EHD2: variants seen among roughly 807,000 people sequenced by gnomAD.
The protein encoded by EHD2 is EH domain-containing protein 2.
In EHD2, 27 loss-of-function variants were observed where a neutral mutation model predicts 41.0. That is an observed-to-expected ratio of 0.66 (90% confidence interval 0.49 to 0.91). The LOEUF (loss-of-function observed/expected upper bound fraction) is 0.91. Among genes scored for constraint, EHD2 ranks in the 40% least tolerant of loss-of-function variants. The pLI, the probability that EHD2 is intolerant of heterozygous loss-of-function variation, is 0.00. For missense variants in EHD2, 673 were observed against 773.9 expected (o/e 0.87, Z 1.55); for synonymous variants, 342 against 341.0 (o/e 1.00, Z -0.03).
intron 1 of EHD2, 29 bp from the exon 2 acceptor site, chr19:47,716,529 T>C (rs997343405): frequency 1.4e-6 from 2 of 1,420,132 alleles, no homozygotes; most frequent in Non-Finnish European, 1.8e-6. Context: ...CTGGGCCGCC[T>C]ATGCTCATGC....
In EHD2 at chr19:47,741,669, TCA is replaced by T. The variant is rs1172038285; in HGVS notation, c.*247_*248del. ...CCAGCCTCACGTTCACTTAGGCACA[TCA>T]CACACACACTGGCACACGCAGGCAT... On this transcript the variant is annotated 3_prime_UTR_variant, in exon 6 of 6. Transcript: ENST00000263277. The surrounding 1 kb of genome is among the most constrained non-coding windows in gnomAD (Gnocchi z 4.5). 15 of 628,360 alleles carry T rather than the reference TCA, an allele frequency of 2.4e-5. No homozygotes were observed. Among genetic ancestry groups the T allele is most frequent in the Non-Finnish European group, 3.1e-5 (11 of 353,654 alleles). The allele number at this position is 628,360 out of a possible 1,614,324, so 38.9% of individuals were successfully genotyped here. A position where few individuals can be genotyped will look rare whatever the true frequency, so the allele number is the denominator to read the frequency against.
intron 4 of EHD2, 28 bp from the exon 5 acceptor site, chr19:47,736,341 C>A (rs62130744): frequency 1.1e-5 from 17 of 1,580,826 alleles, no homozygotes; most frequent in East Asian, 2.4e-5. Flanking sequence ...GACCCTGATG[C>A]AGGCTGAGGT....
chr19:47,731,314 A>AT lies in EHD2; in HGVS notation c.916-5055_916-5054insT, dbSNP rs1160770476. The AT allele has an allele frequency of 4.9e-4, 56 of 113,946 alleles. 1 individual carries two copies. The highest frequency in any genetic ancestry group is 1.1e-3 in the South Asian group (4 of 3,504). The allele number at this position is 113,946 out of a possible 1,614,324, so 7.1% of individuals were successfully genotyped here. On this transcript the variant is annotated intron_variant, in intron 4 of 5. Transcript: ENST00000263277. ...TATATATATATATACATATATATAT[A>AT]ATTTTTTTTTTTTTAGATGGAGTCT...
rs1375293524 is a variant in EHD2, at chr19:47,715,082, A to AAAT, written c.-55-1475_-55-1474insATA. 2.3e-3 allele frequency among the ~76,000 whole-genome samples: 315 copies of AAAT among 137,412 alleles called. 1 individual carries two copies. Among genetic ancestry groups the AAAT allele is most frequent in the South Asian group, 0.013 (53 of 4,236 alleles). 90.1% of individuals were successfully genotyped at this position (137,412 alleles called of 152,430 possible). A position where few individuals can be genotyped will look rare whatever the true frequency, so the allele number is the denominator to read the frequency against. ...ATAAATAAATAAATAAATAAATAAAAAGAAAGAAAAGCAAAGCAAAGCAGG... is the reference window on the plus strand; with the variant it reads ...ATAAATAAATAAATAAATAAATAAAAAATAGAAAGAAAAGCAAAGCAAAGCAGG... On this transcript the variant is annotated intron_variant, in intron 1 of 5. Transcript: ENST00000263277.
intron 3 of EHD2, among the ~76,000 whole-genome samples, chr19:47,725,035 G>A (rs1296294425): frequency 2.8e-5 from 4 of 144,716 alleles, no homozygotes; most frequent in African/African-American, 1.0e-4. Flanking sequence ...ATCTGCTATG[G>A]CAAGAGCACA....
In EHD2 at chr19:47,741,354, AG is replaced by A. The variant is rs1389258641; in HGVS notation, c.1556del (p.Gly519AlafsTer125). ...GCCACCTCATCGAGGCCAAGCTGGA[AG>A]GCCACGGGCTGCCCGCCAACCTGCC... is the stretch of plus-strand genomic sequence containing the variant. ...ASHLIEAKLE[G>X]HGLPANLPRR... On this transcript the variant is annotated frameshift_variant, in exon 6 of 6. Transcript: ENST00000263277. LOFTEE classifies it high-confidence loss of function. The surrounding 1 kb of genome is among the most constrained non-coding windows in gnomAD (Gnocchi z 4.5). 6.2e-7 allele frequency: 1 copy of A among 1,610,384 alleles called. No individual in the cohort carries two copies. Among genetic ancestry groups the A allele is most frequent in the East Asian group, 2.2e-5 (1 of 44,872 alleles).
chr19:47,737,036 C>A (rs1447203630), intron 5 of EHD2, among the ~76,000 whole-genome samples: 1 of 151,650 alleles, frequency 6.6e-6, no homozygotes, highest in East Asian at 2.0e-4. Flanking sequence ...TCAAGACCAT[C>A]CTGGCTAACA....
intron 4 of EHD2, chr19:47,732,001 A>G (rs879130717): frequency 6.6e-5 from 10 of 151,488 alleles, no homozygotes; most frequent in African/African-American, 2.4e-4. Context: ...GTTAGCCAGG[A>G]TGGTCTCGAT....
chr19:47,718,695 C>T, intron 3 of EHD2, 89 bp downstream of exon 3: 3 of 1,205,870 alleles, frequency 2.5e-6, no homozygotes, highest in Non-Finnish European at 3.4e-6. Context: ...GGCCCGGACT[C>T]CTGGGTCTGA....
At chr19:47,731,289 T>TATATGTATATATATATATATATATACAC (rs1973810402) in intron 4 of EHD2, 1 of 84,464 alleles carries the variant, frequency 1.2e-5, no homozygotes, top group Admixed American at 1.3e-4. Context: ...AATATATATA[T>TATATGTATATATATATATATATATACAC]ATATATATAT....
chr19:47,716,219 C>T (rs572300364), intron 1 of EHD2, among the ~76,000 whole-genome samples: 62 of 152,082 alleles, frequency 4.1e-4, no homozygotes, highest in African/African-American at 1.5e-3. Flanking sequence ...GCTAGGACTA[C>T]AGGCATGCAC....
intron 4 of EHD2, among the ~76,000 whole-genome samples, chr19:47,728,759 G>A (rs1220423145): frequency 1.3e-5 from 2 of 151,154 alleles, no homozygotes; most frequent in Non-Finnish European, 1.5e-5. Context: ...TAGTGGAGAC[G>A]GGGTTTCACC....
rs985156136 is a variant in EHD2 at position 47,716,248 on chromosome 19, AT to A, written c.-55-302del. ...CATGCACCACCATGCCCAGCTAATT[AT>A]TTTTTTTGTAGAGATGGGGGTCTCA... On this transcript the variant is annotated intron_variant, in intron 1 of 5. Coordinates refer to ENST00000263277, the MANE Select transcript of EHD2 (RefSeq NM_014601.4). 4.7e-5 allele frequency among the ~76,000 whole-genome samples: 7 copies of A among 150,468 alleles called. No individual in the cohort carries two copies. In the South Asian group the frequency reaches 1.1e-3, roughly 23 times the overall value.
rs760371934 is a variant in EHD2 at position 47,726,236 on chromosome 19, T to A, written c.915+12T>A. On this transcript the variant is annotated intron_variant, in intron 4 of 5. Transcript: ENST00000263277. ...CCCGGCTGGTGCGAGTGAGTAGTCCTGAGGGCTGGGCGCGCATTCTTGGAG... is the reference window on the plus strand; with the variant it reads ...CCCGGCTGGTGCGAGTGAGTAGTCCAGAGGGCTGGGCGCGCATTCTTGGAG... 5.4e-6 allele frequency: 8 copies of A among 1,477,222 alleles called. No homozygotes were observed. The Admixed American group carries it at 1.6e-4, about 30-fold the overall frequency. 91.5% of individuals were successfully genotyped at this position (1,477,222 alleles called of 1,614,324 possible). A position where few individuals can be genotyped will look rare whatever the true frequency, so the allele number is the denominator to read the frequency against.
chr19:47,719,903 AT>A lies in EHD2; in HGVS notation c.502+1298del, dbSNP rs1973676722. The stretch of plus-strand genomic sequence containing the variant: ...GGGGTCTCCCTCCCTGGCCTTGAGG[AT>A]AGAGGAAGAGGAGGAGAGAGTGTCC... On this transcript the variant is annotated intron_variant, in intron 3 of 5. Transcript: ENST00000263277. The surrounding 1 kb of genome is among the most constrained non-coding windows in gnomAD (Gnocchi z 4.1). Among the ~76,000 whole-genome samples the A allele has an allele frequency of 6.6e-6, 1 of 151,420 alleles. No individual in the cohort carries two copies. The highest frequency in any genetic ancestry group is 1.5e-5 in the Non-Finnish European group (1 of 67,904).
chr19:47,726,451 T>A (rs779690584), intron 4 of EHD2: 13 of 425,002 alleles, frequency 3.1e-5, no homozygotes, highest in Non-Finnish European at 4.9e-5. Flanking sequence ...TTCTCTGTCC[T>A]GGTATTTCTA....
In EHD2 at chr19:47,742,741, A is replaced by C. The variant is rs1967005157; in HGVS notation, c.*1309A>C. The C allele has an allele frequency of 1.3e-5, 2 of 152,692 alleles. No individual in the cohort carries two copies. Among genetic ancestry groups the C allele is most frequent in the Admixed American group, 1.3e-4 (2 of 15,236 alleles). 9.5% of individuals were successfully genotyped at this position (152,692 alleles called of 1,614,324 possible). On this transcript the variant is annotated 3_prime_UTR_variant, in exon 6 of 6. Transcript: ENST00000263277. The stretch of plus-strand genomic sequence containing the variant: ...CCTGGAAGCCTCCCCACAGCTGGTA[A>C]TCTGGACTTAAGGATTGCTGGGCCA...
Position 47,719,254 on chromosome 19 carries a change from G to A in EHD2, c.502+648G>A, listed in dbSNP as rs1973669517. 6.6e-6 allele frequency among the ~76,000 whole-genome samples: 1 copy of A among 152,116 alleles called. No homozygotes were observed. Among genetic ancestry groups the A allele is most frequent in the South Asian group, 2.1e-4 (1 of 4,830 alleles). On this transcript the variant is annotated intron_variant, in intron 3 of 5. Transcript: ENST00000263277. This position sits in a 1 kb window ranked among gnomAD's most constrained non-coding sequence, Gnocchi z 4.1. ...AGCGACGCAGGGAGACACAAGGCCT[G>A]GAGATGAGGCAGAGCCTGGGCAGGG... is the stretch of plus-strand genomic sequence containing the variant.
In EHD2 at chr19:47,716,655, C is replaced by A; in HGVS notation, c.43C>A (p.Pro15Thr). 2.5e-6 allele frequency: 4 copies of A among 1,584,220 alleles called. 1 individual carries two copies. In the South Asian group the frequency reaches 4.6e-5, roughly 18 times the overall value. Residue 15 changes from proline (P) to threonine (T), a missense_variant, in exon 2 of 6, where the codon CCC becomes ACC. By Grantham distance (38) the Pro-to-Thr change is conservative. Coordinates refer to ENST00000263277, the MANE Select transcript of EHD2 (RefSeq NM_014601.4). ...LKRGGARGQQ[P>T]EAIRTVTSAL... Reference sequence around the variant, plus strand: ...GCGGGGCGGGGCACGGGGCCAGCAGCCCGAGGCCATCCGCACGGTGACCTC... The same window carrying A: ...GCGGGGCGGGGCACGGGGCCAGCAGACCGAGGCCATCCGCACGGTGACCTC...
Sources: allele counts gnomAD v4.1 joint callset (sites outside exome capture counted in the v4.1 genomes callset), GRCh38; gene constraint gnomAD v4.1.1; non-coding constraint Gnocchi (gnomAD v3.1); transcripts MANE v1.5; gene names NCBI Gene and HGNC (gene_info 2026-07-23, HGNC 2026-07-21).